Variants in CAMK2A observed in about 807,000 individuals in gnomAD.
The protein encoded by CAMK2A is calcium/calmodulin dependent protein kinase II alpha.
In CAMK2A, 7 loss-of-function variants were observed where a neutral mutation model predicts 79.2. That is an observed-to-expected ratio of 0.09 (90% CI 0.05 to 0.17). CAMK2A has a LOEUF of 0.17. Ranked by LOEUF, CAMK2A falls within the 10% of genes least tolerant of loss-of-function variation. The pLI is 1.00. For missense variants in CAMK2A, 214 were observed against 646.4 expected, an observed-to-expected ratio of 0.33 and a Z score of 7.25; for synonymous variants, 242 against 251.7, an observed-to-expected ratio of 0.96 and a Z score of 0.36.
intron 3 of CAMK2A, among the ~76,000 whole-genome samples, chr5:150,261,959 C>T (rs78953805): frequency 0.027 from 4,173 of 152,314 alleles, 202 homozygotes; most frequent in African/African-American, 0.095. Context: ...CCCTTCCCCA[C>T]CACAAATCAC....
chr5:150,233,634 C>G (rs1269339499), intron 15 of CAMK2A, among the ~76,000 whole-genome samples: 1 of 152,156 alleles, frequency 6.6e-6, no homozygotes, highest in Non-Finnish European at 1.5e-5. Flanking sequence ...GGACTGCTAT[C>G]TTCATCCTGC....
chr5:150,285,874 T>C (rs1287447812), intron 1 of CAMK2A, among the ~76,000 whole-genome samples: 3 of 152,162 alleles, frequency 2.0e-5, no homozygotes, highest in Non-Finnish European at 1.5e-5. Context: ...TAACCTCTCC[T>C]GGGGGTAGGA....
chr5:150,237,560 C>A (rs930194957), intron 15 of CAMK2A, among the ~76,000 whole-genome samples: 2 of 152,162 alleles, frequency 1.3e-5, no homozygotes, highest in Non-Finnish European at 2.9e-5. Flanking sequence ...ACCACCGAGG[C>A]CTTCAGAGTG....
chr5:150,242,745 G>A (rs945682843), intron 13 of CAMK2A, among the ~76,000 whole-genome samples: 3 of 152,138 alleles, frequency 2.0e-5, no homozygotes, highest in Non-Finnish European at 2.9e-5. Context: ...AGTTTCAATC[G>A]TACTGAAAAT....
intron 1 of CAMK2A, among the ~76,000 whole-genome samples, chr5:150,278,433 A>G (rs77814545): frequency 0.03 from 4,494 of 151,788 alleles, 212 homozygotes; most frequent in African/African-American, 0.098. Context: ...AACAAGTGGC[A>G]ATAGCCCAGA....
Position 150,223,084 on chromosome 5 carries a change from G to A in CAMK2A, c.1371C>T (p.Thr457=), listed in dbSNP as rs771431817. 2.0e-5 allele frequency: 33 copies of A among 1,614,072 alleles called. No individual in the cohort carries two copies. Among genetic ancestry groups the A allele is most frequent in the East Asian group, 2.2e-5 (1 of 44,894 alleles). ...QYLDAGGIPR[T]AQSEETRVWH... ...AGACACGGGTCTCCTCCGACTGGGC[G>A]GTGCGTGGGATGCCGCCAGCGTCCA... The change falls in exon 18 of 19, where the codon ACC becomes ACT. Residue 457 remains threonine, a synonymous_variant. Coordinates refer to ENST00000671881, the MANE Select transcript of CAMK2A (RefSeq NM_015981.4). The surrounding 1 kb of genome is among the most constrained non-coding windows in gnomAD (Gnocchi z 4.1).
At chr5:150,280,727 A>G (rs925336791) in intron 1 of CAMK2A, among the ~76,000 whole-genome samples, 1 of 151,544 alleles carries the variant, frequency 6.6e-6, no homozygotes, top group Non-Finnish European at 1.5e-5. Context: ...CCCACTGAAC[A>G]CAGCTTTGAG....
chr5:150,263,528 CACAG>C (rs1488946329), intron 3 of CAMK2A, among the ~76,000 whole-genome samples: 1 of 151,616 alleles, frequency 6.6e-6, no homozygotes, highest in African/African-American at 2.4e-5. Context: ...CACACACTTA[CACAG>C]ACACACATTC....
At chr5:150,257,994 C>T (rs1756134297) in intron 3 of CAMK2A, among the ~76,000 whole-genome samples, 1 of 152,364 alleles carries the variant, frequency 6.6e-6, no homozygotes, top group South Asian at 2.1e-4. Flanking sequence ...CTTTCTGAGC[C>T]TCTCTTTCCT....
chr5:150,283,985 C>T (rs1363610712), intron 1 of CAMK2A, among the ~76,000 whole-genome samples: 1 of 152,190 alleles, frequency 6.6e-6, no homozygotes, highest in African/African-American at 2.4e-5. Context: ...CACACGAGGA[C>T]CTAGAGGACC....
intron 8 of CAMK2A, 56 bp downstream of exon 8, chr5:150,251,926 G>T (rs377468409): frequency 4.5e-6 from 7 of 1,567,886 alleles, no homozygotes; most frequent in Non-Finnish European, 6.1e-6. Context: ...GGAGAGAGGG[G>T]GCCCCAGAGG....
At chr5:150,225,038 T>TAGGG (rs1754524195) in intron 17 of CAMK2A, among the ~76,000 whole-genome samples, 1 of 79,998 alleles carries the variant, frequency 1.3e-5, no homozygotes, top group East Asian at 2.8e-4. Flanking sequence ...ACCTGGTAGG[T>TAGGG]AGGGAGAGAG....
At chr5:150,255,719 C>T (rs1240403819) in intron 6 of CAMK2A, among the ~76,000 whole-genome samples, 1 of 152,118 alleles carries the variant, frequency 6.6e-6, no homozygotes, top group Non-Finnish European at 1.5e-5. Context: ...CAGGGTCACC[C>T]TAGAAGGGGC....
intron 9 of CAMK2A, among the ~76,000 whole-genome samples, chr5:150,251,397 C>T (rs1397160020): frequency 6.6e-6 from 1 of 152,076 alleles, no homozygotes; most frequent in Non-Finnish European, 1.5e-5. Context: ...ATAACAGCAC[C>T]TATATCATAG....
chr5:150,225,614 C>G (rs1363065836), intron 17 of CAMK2A, among the ~76,000 whole-genome samples: 1 of 152,180 alleles, frequency 6.6e-6, no homozygotes, highest in Non-Finnish European at 1.5e-5. Context: ...TAAGTTCACA[C>G]TGGGGGACCA....
intron 16 of CAMK2A, among the ~76,000 whole-genome samples, chr5:150,229,621 G>A (rs1049867410): frequency 1.3e-5 from 2 of 152,176 alleles, no homozygotes; most frequent in African/African-American, 4.8e-5. Context: ...TCACATAGGT[G>A]GGAGGGGTTC....
intron 1 of CAMK2A, among the ~76,000 whole-genome samples, chr5:150,279,787 C>T (rs1028954843): frequency 6.6e-6 from 1 of 152,324 alleles, no homozygotes; most frequent in Admixed American, 6.5e-5. Flanking sequence ...GGCACAGTGA[C>T]AGTGGGTCCG....
At chr5:150,250,544 AC>A in intron 10 of CAMK2A, 143 bp downstream of exon 10, 2 of 1,160,704 alleles carry the variant, frequency 1.7e-6, no homozygotes, top group African/African-American at 3.1e-5. Context: ...TTTCCACATT[AC>A]CCCTGAGAAC....
Position 150,256,199 on chromosome 5 carries a change from A to C in CAMK2A, c.411+374T>G, listed in dbSNP as rs1756051369. 6.6e-6 allele frequency among the ~76,000 whole-genome samples: 1 copy of C among 152,184 alleles called. No homozygotes were observed. The highest frequency in any genetic ancestry group is 1.5e-5 in the Non-Finnish European group (1 of 68,038). ...TGCTATGGCAACCCCCATTGTGAAG[A>C]ATCTGAGGCTCAGGAAGGTCATGCT... On this transcript the variant is annotated intron_variant, in intron 6 of 18. Coordinates refer to ENST00000671881, the MANE Select transcript of CAMK2A (RefSeq NM_015981.4). The surrounding 1 kb of genome is among the most constrained non-coding windows in gnomAD (Gnocchi z 4.6).
Sources: gnomAD v4.1 joint callset for allele counts (sites outside exome capture counted in the v4.1 genomes callset) on GRCh38, gnomAD v4.1.1 for gene constraint, Gnocchi (gnomAD v3.1) non-coding constraint, MANE v1.5 for transcripts, NCBI Gene and HGNC (gene_info 2026-07-23, HGNC 2026-07-21) for gene names.